The following SLC7A11 variants were observed in gnomAD, a reference collection of about 807,000 sequenced individuals.
SLC7A11 encodes the protein cystine/glutamate transporter.
A neutral mutation model predicts 54.5 loss-of-function variants in SLC7A11; 35 were observed. The ratio of observed to expected loss-of-function variants is 0.64; its 90% CI spans 0.49 to 0.85. The LOEUF (loss-of-function observed/expected upper bound fraction) is 0.85. Ranked by LOEUF, SLC7A11 falls within the 40% of genes least tolerant of loss-of-function variation. The pLI, the probability that SLC7A11 is intolerant of heterozygous loss-of-function variation, is 0.00. For missense variants in SLC7A11, 583 were observed against 618.1 expected (o/e 0.94, Z 0.60); for synonymous variants, 230 against 225.2 (o/e 1.02, Z -0.19).
rs372681759 is a variant in SLC7A11, at chr4:138,182,369, C to T, written c.1044G>A (p.Glu348=). The change falls in exon 9 of 12, where the codon GAG becomes GAA. Residue 348 remains glutamate, a synonymous_variant. Coordinates refer to ENST00000280612, the MANE Select transcript of SLC7A11 (RefSeq NM_014331.4). ...VSRLFYVASR[E]GHLPEILSMI... Reference sequence around the variant, plus strand: ...TGGAGAGGATTTCTGGAAGGTGACCCTCTCGAGACGCAACATAGAATAACC... The same window carrying T: ...TGGAGAGGATTTCTGGAAGGTGACCTTCTCGAGACGCAACATAGAATAACC... 4 of 1,609,888 alleles carry T rather than the reference C, an allele frequency of 2.5e-6. No homozygotes were observed. In the African/African-American group the frequency reaches 5.4e-5, roughly 22 times the overall value.
At chr4:138,183,153 C>T (rs951665456) in intron 8 of SLC7A11, 49 bp downstream of exon 8, 2 of 1,301,666 alleles carry the variant, frequency 1.5e-6, no homozygotes, top group Non-Finnish European at 2.2e-6. Flanking sequence ...TTATCACATC[C>T]AATCTCAAAA....
At chr4:138,217,560 T>A (rs571836461) in intron 5 of SLC7A11, among the ~76,000 whole-genome samples, 1 of 152,134 alleles carries the variant, frequency 6.6e-6, no homozygotes, top group East Asian at 1.9e-4. Context: ...ATTAGAAAAG[T>A]GAGGAGGGTA....
chr4:138,221,929 A>C (rs1308305431), intron 4 of SLC7A11, among the ~76,000 whole-genome samples: 1 of 152,260 alleles, frequency 6.6e-6, no homozygotes, highest in Non-Finnish European at 1.5e-5. Flanking sequence ...AACTCCTTAC[A>C]GAAGACTGAA....
chr4:138,230,601 A>T (rs1738054318), intron 3 of SLC7A11, among the ~76,000 whole-genome samples: 1 of 152,174 alleles, frequency 6.6e-6, no homozygotes, highest in Non-Finnish European at 1.5e-5. Flanking sequence ...AAGAATTGTA[A>T]CACCAAGCTT....
chr4:138,204,551 AG>A (rs1737361257), intron 6 of SLC7A11, among the ~76,000 whole-genome samples: 1 of 152,058 alleles, frequency 6.6e-6, no homozygotes, highest in African/African-American at 2.4e-5. Context: ...ACATGATGCC[AG>A]CCACTCAGAT....
Position 138,164,302 on chromosome 4 carries a change from A to G in SLC7A11, c.*7654T>C, listed in dbSNP as rs1736196776. On this transcript the variant is annotated 3_prime_UTR_variant, in exon 12 of 12. Transcript: ENST00000280612. Reference sequence around the variant, plus strand: ...ATTCCATACAAAAGCACATGCATCAAGAGTTTCCATAAGATGAAAACAAAC... The same window carrying G: ...ATTCCATACAAAAGCACATGCATCAGGAGTTTCCATAAGATGAAAACAAAC... The G allele has an allele frequency of 6.6e-6, 1 of 152,114 alleles. No individual in the cohort carries two copies. Among genetic ancestry groups the G allele is most frequent in the Non-Finnish European group, 1.5e-5 (1 of 67,964 alleles). The allele number at this position is 152,114 out of a possible 1,614,324, so 9.4% of individuals were successfully genotyped here. A position where few individuals can be genotyped will look rare whatever the true frequency, so the allele number is the denominator to read the frequency against.
At chr4:138,187,374 T>G (rs779730509) in intron 6 of SLC7A11, among the ~76,000 whole-genome samples, 6 of 152,176 alleles carry the variant, frequency 3.9e-5, no homozygotes, top group Admixed American at 6.6e-5. Flanking sequence ...CATACGTGTC[T>G]CCTTTTGTCC....
At chr4:138,202,214 T>G (rs1737302957) in intron 6 of SLC7A11, among the ~76,000 whole-genome samples, 1 of 152,098 alleles carries the variant, frequency 6.6e-6, no homozygotes, top group East Asian at 1.9e-4. Context: ...GGATTCATCA[T>G]TATACCACAT....
chr4:138,236,373 C>T lies in SLC7A11; in HGVS notation c.356G>A (p.Gly119Asp). The part of the protein sequence containing the change: ...GHYTYILEVF[G>D]PLPAFVRVWV... ...GACTCGTACAAAAGCTGGTAATGGA[C>T]CAAAGACTTCCAAAATATATGTGTA... The change falls in exon 2 of 12, where the codon GGT (glycine) becomes GAT (aspartate). Residue 119 changes from glycine (G) to aspartate (D), a missense_variant. Physicochemically the swap from Gly to Asp is moderately conservative, Grantham distance 94. Transcript: ENST00000280612. 1 of 1,613,234 alleles carries T rather than the reference C, an allele frequency of 6.2e-7. No individual in the cohort carries two copies. The highest frequency in any genetic ancestry group is 8.5e-7 in the Non-Finnish European group (1 of 1,179,420).
intron 11 of SLC7A11, among the ~76,000 whole-genome samples, chr4:138,174,259 G>A (rs1217830540): frequency 6.6e-6 from 1 of 152,186 alleles, no homozygotes; most frequent in African/African-American, 2.4e-5. Flanking sequence ...TCAGACAAAT[G>A]AGGAGCAACT....
intron 6 of SLC7A11, among the ~76,000 whole-genome samples, chr4:138,192,388 C>A (rs1357084699): frequency 1.3e-5 from 2 of 152,138 alleles, no homozygotes; most frequent in Non-Finnish European, 2.9e-5. Flanking sequence ...GACAAAGCCA[C>A]ATGATGAAAG....
chr4:138,238,957 A>G (rs571377542), intron 1 of SLC7A11, among the ~76,000 whole-genome samples: 2 of 152,320 alleles, frequency 1.3e-5, no homozygotes, highest in East Asian at 3.9e-4. Context: ...TCTAATCAAG[A>G]GAGTATAGAT....
At chr4:138,184,945 T>C (rs1211237081) in intron 7 of SLC7A11, among the ~76,000 whole-genome samples, 176 bp downstream of exon 7, 1 of 152,164 alleles carries the variant, frequency 6.6e-6, no homozygotes, top group East Asian at 1.9e-4. Context: ...AATTTAGATA[T>C]ATCAGTTAAA....
chr4:138,226,429 G>C (rs975286702), intron 3 of SLC7A11, among the ~76,000 whole-genome samples: 2 of 151,996 alleles, frequency 1.3e-5, no homozygotes, highest in East Asian at 1.9e-4. Context: ...AAAAAAAGAT[G>C]AATTTTTTTC....
chr4:138,202,034 C>G (rs1430713295), intron 6 of SLC7A11, among the ~76,000 whole-genome samples: 1 of 152,080 alleles, frequency 6.6e-6, no homozygotes, highest in Non-Finnish European at 1.5e-5. Flanking sequence ...AGATTCCTCT[C>G]ATATAATTGC....
chr4:138,203,143 T>C (rs1737327689), intron 6 of SLC7A11, among the ~76,000 whole-genome samples: 2 of 151,928 alleles, frequency 1.3e-5, no homozygotes, highest in Admixed American at 1.3e-4. Flanking sequence ...AATAGGCCTG[T>C]GGTGTAAGGC....
intron 7 of SLC7A11, among the ~76,000 whole-genome samples, 175 bp from the exon 8 acceptor site, chr4:138,183,480 A>T (rs1736798072): frequency 6.6e-6 from 1 of 152,172 alleles, no homozygotes; most frequent in Admixed American, 6.6e-5. Context: ...ATCAAAAGCA[A>T]GGACCATGGC....
At chr4:138,232,607 G>A (rs1738107295) in intron 2 of SLC7A11, among the ~76,000 whole-genome samples, 1 of 152,164 alleles carries the variant, frequency 6.6e-6, no homozygotes, top group Non-Finnish European at 1.5e-5. Flanking sequence ...GGGAACAAGG[G>A]TAAGTACTAT....
chr4:138,191,291 C>A (rs1202649588), intron 6 of SLC7A11, among the ~76,000 whole-genome samples: 2 of 152,104 alleles, frequency 1.3e-5, no homozygotes, highest in African/African-American at 4.8e-5. Flanking sequence ...TGAACCACGG[C>A]AAGGCTATGG....
Sources: allele counts gnomAD v4.1 joint callset (sites outside exome capture counted in the v4.1 genomes callset), GRCh38; gene constraint gnomAD v4.1.1; transcripts MANE v1.5; gene names NCBI Gene and HGNC (gene_info 2026-07-23, HGNC 2026-07-21).